ZCCHC4: variants seen among roughly 807,000 people sequenced by gnomAD.
ZCCHC4 encodes rRNA N(6)-adenosine-methyltransferase ZCCHC4.
In ZCCHC4, 54 loss-of-function variants were observed where a neutral mutation model predicts 67.7. The observed-to-expected ratio is 0.80, with a 90% CI of 0.64 to 1.00. The LOEUF is 1.00. Ranked by LOEUF, ZCCHC4 falls within the 50% of genes least tolerant of loss-of-function variation. The pLI, the probability that ZCCHC4 is intolerant of heterozygous loss-of-function variation, is 0.00. For synonymous variants in ZCCHC4, 198 were observed against 213.5 expected (o/e 0.93, Z 0.63); for missense variants, 609 against 617.0 (o/e 0.99, Z 0.14).
Position 25,369,075 on chromosome 4 carries a change from G to A in ZCCHC4, c.1453G>A (p.Glu485Lys), listed in dbSNP as rs756863552. The A allele has an allele frequency of 6.2e-7, 1 of 1,613,372 alleles. No individual in the cohort carries two copies. Among genetic ancestry groups the A allele is most frequent in the Non-Finnish European group, 8.5e-7 (1 of 1,179,806 alleles). Reference protein sequence around the residue: ...KQRKSNKMKMETTKGQSMNHT... With the variant: ...KQRKSNKMKMKTTKGQSMNHT... ...AAGAAAAAGTAATAAGATGAAAATG[G>A]AGACCACGAAAGGACAATCCATGAA... The change falls in exon 13 of 13, where the codon GAG (glutamate) becomes AAG (lysine). Residue 485 changes from glutamate to lysine, a missense_variant. By Grantham distance (56) the Glu-to-Lys change is moderately conservative. Coordinates refer to ENST00000302874, the MANE Select transcript of ZCCHC4 (RefSeq NM_024936.3).
rs1560394192 is a variant in ZCCHC4, at chr4:25,314,127, GA to G, written c.213del (p.Asp72ThrfsTer41). 1 of 1,607,138 alleles carries G rather than the reference GA, an allele frequency of 6.2e-7. No homozygotes were observed. The highest frequency in any genetic ancestry group is 1.1e-5 in the South Asian group (1 of 89,822). The stretch of plus-strand genomic sequence containing the variant: ...TATGCCTGTTCAGCCTGTAGAGATA[GA>G]AAAGACTGTAATTTTTTTCAGTGGG... ...RFYACSACRD[R>X]KDCNFFQWED... On this transcript the variant is annotated frameshift_variant, in exon 2 of 13. Coordinates refer to ENST00000302874, the MANE Select transcript of ZCCHC4 (RefSeq NM_024936.3). LOFTEE classifies it high-confidence loss of function.
intron 3 of ZCCHC4, among the ~76,000 whole-genome samples, chr4:25,325,533 G>C (rs1205521288): frequency 6.6e-6 from 1 of 151,994 alleles, no homozygotes; most frequent in Non-Finnish European, 1.5e-5. Context: ...CAAAGTACTG[G>C]GATTATAGGC....
At chr4:25,318,145 A>G (rs1419006002) in intron 3 of ZCCHC4, among the ~76,000 whole-genome samples, 2 of 152,096 alleles carry the variant, frequency 1.3e-5, no homozygotes, top group East Asian at 3.8e-4. Flanking sequence ...TTTTTTTCCA[A>G]TGCCAGGTTT....
chr4:25,369,345 G>A lies in ZCCHC4; in HGVS notation c.*181G>A. On this transcript the variant is annotated 3_prime_UTR_variant, in exon 13 of 13. Coordinates refer to ENST00000302874, the MANE Select transcript of ZCCHC4 (RefSeq NM_024936.3). Reference sequence around the variant, plus strand: ...TTATCTGCCTCTCTGGAGACATGGGGAGTTGTTCCATCTTCAGCCAGTTTA... The same window carrying A: ...TTATCTGCCTCTCTGGAGACATGGGAAGTTGTTCCATCTTCAGCCAGTTTA... 1.5e-6 allele frequency: 1 copy of A among 676,842 alleles called. No homozygotes were observed. Among genetic ancestry groups the A allele is most frequent in the East Asian group, 3.1e-5 (1 of 32,668 alleles). The allele number at this position is 676,842 out of a possible 1,614,324, so 41.9% of individuals were successfully genotyped here.
At position 25,333,309 on chromosome 4, in the gene ZCCHC4, C is replaced by G. The variant is rs1057152458; in HGVS notation, c.456C>G (p.Thr152=). 2 of 1,613,978 alleles carry G rather than the reference C, an allele frequency of 1.2e-6. No homozygotes were observed. ...EHQVLGNVSI[T]QLRRPSQLLY... ...AGGTTCTGGGTAATGTGTCCATTAC[C>G]CAGTTAAGAAGGCCCAGTCAACTCC... The change falls in exon 4 of 13, where the codon ACC becomes ACG. Residue 152 remains threonine (T), a synonymous_variant. Coordinates refer to ENST00000302874, the MANE Select transcript of ZCCHC4 (RefSeq NM_024936.3).
At chr4:25,366,308 A>ATATT in intron 12 of ZCCHC4, 1 of 769,268 alleles carries the variant, frequency 1.3e-6, no homozygotes, top group Non-Finnish European at 1.6e-6. Context: ...TTATTGAAGA[A>ATATT]TCTTTTTTTT....
intron 3 of ZCCHC4, among the ~76,000 whole-genome samples, chr4:25,329,693 C>G (rs1719080889): frequency 6.6e-6 from 1 of 151,830 alleles, no homozygotes; most frequent in Non-Finnish European, 1.5e-5. Flanking sequence ...TGCCACCATG[C>G]CCAGCTAATT....
In ZCCHC4 at chr4:25,312,855, A is replaced by C. The variant is rs1413287964; in HGVS notation, c.46A>C (p.Ser16Arg). The stretch of plus-strand genomic sequence containing the variant: ...GTTTGAAGCCGTGGAGGCAGAGGGC[A>C]GCGCAGGGTGCCGGGGAAGCTCGGG... ...NGFEAVEAEG[S>R]AGCRGSSGME... The change falls in exon 1 of 13, where the codon AGC becomes CGC. Residue 16 changes from serine (S) to arginine (R), a missense_variant. By Grantham distance (110) the Ser-to-Arg change is moderately radical. Coordinates refer to ENST00000302874, the MANE Select transcript of ZCCHC4 (RefSeq NM_024936.3). 1.9e-6 allele frequency: 3 copies of C among 1,613,222 alleles called. No homozygotes were observed. Among genetic ancestry groups the C allele is most frequent in the Admixed American group, 1.7e-5 (1 of 60,020 alleles).
At chr4:25,353,615 A>G (rs2109085360) in intron 8 of ZCCHC4, among the ~76,000 whole-genome samples, 1 of 152,358 alleles carries the variant, frequency 6.6e-6, no homozygotes, top group South Asian at 2.1e-4. Flanking sequence ...AGTAGGTGCC[A>G]TGTATATGTC....
At position 25,312,921 on chromosome 4, in the gene ZCCHC4, C is replaced by A; in HGVS notation, c.112C>A (p.Pro38Thr). 6.2e-7 allele frequency: 1 copy of A among 1,612,630 alleles called. No homozygotes were observed. Among genetic ancestry groups the A allele is most frequent in the African/African-American group, 1.3e-5 (1 of 74,990 alleles). ...TCCTTTGGATCCTGCCGTCCCCGCC[C>A]CGCTGTGCCCTCACGGTGGGTCAGA... is the stretch of plus-strand genomic sequence containing the variant. ...VLPLDPAVPA[P>T]LCPHGPTLLF... is the part of the protein sequence containing the mutation. The change falls in exon 1 of 13, where the codon CCG becomes ACG. Residue 38 changes from proline to threonine, a missense_variant. By Grantham distance (38) the Pro-to-Thr change is conservative. Coordinates refer to ENST00000302874, the MANE Select transcript of ZCCHC4 (RefSeq NM_024936.3).
Position 25,361,049 on chromosome 4 carries a change from T to G in ZCCHC4, c.1012-810T>G, listed in dbSNP as rs78579346. On this transcript the variant is annotated intron_variant, in intron 8 of 12. Coordinates refer to ENST00000302874, the MANE Select transcript of ZCCHC4 (RefSeq NM_024936.3). Reference sequence around the variant, plus strand: ...ACTACCTAGAAGTTACCAAGGTGACTAGTTGGTCACCAGCCCCTGGGGGCC... The same window carrying G: ...ACTACCTAGAAGTTACCAAGGTGACGAGTTGGTCACCAGCCCCTGGGGGCC... Among the ~76,000 whole-genome samples the G allele has an allele frequency of 3.8e-3, 574 of 152,348 alleles. 5 individuals carry two copies. The highest frequency in any genetic ancestry group is 0.013 in the African/African-American group (555 of 41,592).
intron 3 of ZCCHC4, among the ~76,000 whole-genome samples, chr4:25,321,625 A>G (rs1344220149): frequency 1.3e-5 from 2 of 152,090 alleles, no homozygotes; most frequent in Admixed American, 1.3e-4. Context: ...TACCCGCCTC[A>G]GCCTCCCAAA....
intron 3 of ZCCHC4, among the ~76,000 whole-genome samples, chr4:25,327,581 G>A (rs1718958091): frequency 6.6e-6 from 1 of 152,108 alleles, no homozygotes; most frequent in Non-Finnish European, 1.5e-5. Context: ...CTTGGTTCAA[G>A]TGATCCTCCC....
intron 8 of ZCCHC4, chr4:25,361,617 G>T: frequency 4.6e-6 from 2 of 436,684 alleles, no homozygotes; most frequent in South Asian, 7.0e-5. Flanking sequence ...GCCCAGTCTC[G>T]CTCATGCCCA....
chr4:25,327,272 G>A (rs1694094782), intron 3 of ZCCHC4, among the ~76,000 whole-genome samples: 1 of 152,112 alleles, frequency 6.6e-6, no homozygotes, highest in African/African-American at 2.4e-5. Flanking sequence ...CCAGTCTTGG[G>A]GAAATGCATT....
Position 25,317,055 on chromosome 4 carries a change from A to G in ZCCHC4, c.329+1655A>G, listed in dbSNP as rs80030064. On this transcript the variant is annotated intron_variant, in intron 3 of 12. Coordinates refer to ENST00000302874, the MANE Select transcript of ZCCHC4 (RefSeq NM_024936.3). Reference sequence around the variant, plus strand: ...TTTGACAAACTTGTGAAAAGAATTTATCTCTTACCTGTGTCACTGACATTG... The same window carrying G: ...TTTGACAAACTTGTGAAAAGAATTTGTCTCTTACCTGTGTCACTGACATTG... Among the ~76,000 whole-genome samples the G allele has an allele frequency of 5.6e-3, 848 of 152,352 alleles. 10 individuals carry two copies. The highest frequency in any genetic ancestry group is 0.027 in the Middle Eastern group (8 of 294).
chr4:25,363,481 G>A (rs556558741), intron 10 of ZCCHC4, among the ~76,000 whole-genome samples: 3 of 152,248 alleles, frequency 2.0e-5, no homozygotes, highest in South Asian at 4.1e-4. Flanking sequence ...TAGGAAGGCG[G>A]GTGACCCTTG....
chr4:25,362,196 T>C, intron 9 of ZCCHC4, 30 bp from the exon 10 acceptor site: 1 of 1,575,024 alleles, frequency 6.3e-7, no homozygotes. Context: ...AATAAATGTA[T>C]GCAGCTGATT....
intron 5 of ZCCHC4, among the ~76,000 whole-genome samples, chr4:25,337,047 A>T (rs1719494975): frequency 6.6e-6 from 1 of 152,178 alleles, no homozygotes; most frequent in Non-Finnish European, 1.5e-5. Flanking sequence ...TGCCTTTCTC[A>T]TATAGTCAGT....
Sources: gnomAD v4.1 joint callset for allele counts (sites outside exome capture counted in the v4.1 genomes callset) on GRCh38, gnomAD v4.1.1 for gene constraint, MANE v1.5 for transcripts, NCBI Gene and HGNC (gene_info 2026-07-23, HGNC 2026-07-21) for gene names.